Variants in UPF1 observed in about 807,000 individuals in gnomAD.
UPF1 encodes the protein regulator of nonsense transcripts 1.
In UPF1, 9 loss-of-function variants were observed where a neutral mutation model predicts 129.2. The observed-to-expected ratio is 0.07, with a 90% CI of 0.04 to 0.12. The LOEUF is 0.12. Ranked by LOEUF, UPF1 falls within the 10% of genes least tolerant of loss-of-function variation. The pLI is 1.00. For synonymous variants in UPF1, 649 were observed against 644.9 expected, an observed-to-expected ratio of 1.01 and a Z score of -0.10; for missense variants, 788 against 1,525.3, an observed-to-expected ratio of 0.52 and a Z score of 8.05.
chr19:18,839,153 G>A (rs868017073), intron 1 of UPF1, among the ~76,000 whole-genome samples: 21 of 152,176 alleles, frequency 1.4e-4, no homozygotes, highest in African/African-American at 4.3e-4. Context: ...GTGCAGTGGC[G>A]CGATCTTGGC....
At chr19:18,856,122 C>T (rs1252701962) in intron 12 of UPF1, 33 bp downstream of exon 12, 3 of 1,608,216 alleles carry the variant, frequency 1.9e-6, no homozygotes, top group Non-Finnish European at 2.6e-6. Context: ...CCAGTTGGTC[C>T]CTGAGCTTCT....
intron 15 of UPF1, chr19:18,859,367 A>G (rs1173106470): frequency 1.3e-5 from 2 of 152,156 alleles, no homozygotes; most frequent in African/African-American, 2.4e-5. Context: ...GTCTGGCTCA[A>G]TGAGTGGTTA....
intron 15 of UPF1, among the ~76,000 whole-genome samples, chr19:18,859,087 C>T (rs1038080367): frequency 1.3e-5 from 2 of 152,180 alleles, no homozygotes; most frequent in Admixed American, 6.5e-5. Context: ...CTATTGACAT[C>T]GCAGGGACAC....
At chr19:18,866,207 A>G in intron 23 of UPF1, 41 bp downstream of exon 23, 3 of 1,523,256 alleles carry the variant, frequency 2.0e-6, no homozygotes, top group Non-Finnish European at 2.6e-6. Flanking sequence ...CCCCAGCCTC[A>G]AGGAGAAGGA....
Position 18,865,906 on chromosome 19 carries a change from C to T in UPF1, c.3237+128C>T. 1 of 1,573,120 alleles carries T rather than the reference C, an allele frequency of 6.4e-7. No homozygotes were observed. Among genetic ancestry groups the T allele is most frequent in the Non-Finnish European group, 8.6e-7 (1 of 1,158,726 alleles). On this transcript the variant is annotated intron_variant, in intron 22 of 23. Transcript: ENST00000262803. This position sits in a 1 kb window ranked among gnomAD's most constrained non-coding sequence, Gnocchi z 6.1. ...ACTGTCTGAATTACCTGTCCCTGGG[C>T]TGGGGTCATCAGAGTGGGTCTCCTG... is the stretch of plus-strand genomic sequence containing the variant.
intron 1 of UPF1, among the ~76,000 whole-genome samples, chr19:18,838,001 T>C (rs747019020): frequency 6.6e-6 from 1 of 152,250 alleles, no homozygotes; most frequent in Non-Finnish European, 1.5e-5. Context: ...GGCTCACTTT[T>C]CCTTTTGAAG....
chr19:18,846,201 G>A, intron 2 of UPF1, 82 bp downstream of exon 2: 1 of 1,575,560 alleles, frequency 6.3e-7, no homozygotes, highest in South Asian at 1.2e-5. Flanking sequence ...CACCTCCCAG[G>A]TACAGGGTGG....
In UPF1 at chr19:18,832,398, CGGCGCG is replaced by C. The variant is rs1053857818; in HGVS notation, c.201_206del (p.Gly68_Ala69del). On this transcript the variant is annotated inframe_deletion, in exon 1 of 24. Coordinates refer to ENST00000262803, the MANE Select transcript of UPF1 (RefSeq NM_002911.4). The surrounding 1 kb of genome is among the most constrained non-coding windows in gnomAD (Gnocchi z 5.6). ...GCGGTGGCGGCGCGGGAGGCCCGGG[CGGCGCG>C]GGCGCGGGCGCTGCGGCGGGACAGC... is the stretch of plus-strand genomic sequence containing the variant. The C allele has an allele frequency of 9.7e-6, 10 of 1,028,834 alleles. No individual in the cohort carries two copies. Among genetic ancestry groups the C allele is most frequent in the East Asian group, 8.3e-5 (1 of 12,054 alleles). 63.7% of individuals were successfully genotyped at this position (1,028,834 alleles called of 1,614,324 possible).
chr19:18,846,981 C>T (rs540923884), intron 2 of UPF1, among the ~76,000 whole-genome samples: 34 of 152,314 alleles, frequency 2.2e-4, no homozygotes, highest in South Asian at 6.2e-4. Flanking sequence ...GCGACAGTCA[C>T]GGCAGGTTTG....
Position 18,853,106 on chromosome 19 carries a change from T to C in UPF1, c.1057+35T>C. On this transcript the variant is annotated intron_variant, in intron 7 of 23. Transcript: ENST00000262803. This position sits in a 1 kb window ranked among gnomAD's most constrained non-coding sequence, Gnocchi z 4.4. ...ATTTAGTCATAATTTGGTTAAGAGG[T>C]GATTTTAAGTTTTAAAATATTTGTG... The C allele has an allele frequency of 6.2e-7, 1 of 1,611,896 alleles. No individual in the cohort carries two copies. Among genetic ancestry groups the C allele is most frequent in the Non-Finnish European group, 8.5e-7 (1 of 1,178,506 alleles).
chr19:18,847,644 GA>G (rs2055614955), intron 2 of UPF1, 99 bp from the exon 3 acceptor site: 2 of 1,124,068 alleles, frequency 1.8e-6, no homozygotes, highest in Non-Finnish European at 2.7e-6. Flanking sequence ...GTTTAATGAA[GA>G]ACTTAAAAAT....
At chr19:18,839,123 G>A (rs1041829113) in intron 1 of UPF1, among the ~76,000 whole-genome samples, 1 of 152,162 alleles carries the variant, frequency 6.6e-6, no homozygotes, top group Middle Eastern at 3.4e-3. Flanking sequence ...ACGGAGTCTC[G>A]CACTGTCGCC....
intron 3 of UPF1, among the ~76,000 whole-genome samples, chr19:18,848,736 T>C (rs561523523): frequency 6.6e-6 from 1 of 152,168 alleles, no homozygotes; most frequent in East Asian, 1.9e-4. Flanking sequence ...TATGGTGTTA[T>C]GAGCAAGGCC....
intron 8 of UPF1, 107 bp from the exon 9 acceptor site, chr19:18,854,494 T>C (rs1356238732): frequency 2.3e-6 from 2 of 852,848 alleles, no homozygotes; most frequent in Non-Finnish European, 3.7e-6. Flanking sequence ...CAGCGGTGTC[T>C]TAAGTAACTA....
At chr19:18,866,202 G>C in intron 23 of UPF1, 36 bp downstream of exon 23, 1 of 1,529,730 alleles carries the variant, frequency 6.5e-7, no homozygotes. Flanking sequence ...CCCCACCCCA[G>C]CCTCAAGGAG....
rs779638998 is a variant in UPF1, at chr19:18,856,314, C to T, written c.1824+14C>T. 3.8e-6 allele frequency: 6 copies of T among 1,584,002 alleles called. No individual in the cohort carries two copies. The highest frequency in any genetic ancestry group is 5.2e-6 in the Non-Finnish European group (6 of 1,156,896). ...GAGCTGCTGATGGTGAGTGCCCCTC[C>T]TGCCTGCAAAAGGGCCTGTGGGCTG... is the stretch of plus-strand genomic sequence containing the variant. On this transcript the variant is annotated intron_variant, in intron 13 of 23. Coordinates refer to ENST00000262803, the MANE Select transcript of UPF1 (RefSeq NM_002911.4).
intron 2 of UPF1, among the ~76,000 whole-genome samples, chr19:18,847,416 G>C (rs895360133): frequency 2.6e-5 from 4 of 152,216 alleles, no homozygotes; most frequent in Admixed American, 6.5e-5. Context: ...ATGACCACTG[G>C]GTCTGAGGCT....
In UPF1 at chr19:18,856,272, A is replaced by G; in HGVS notation, c.1796A>G (p.Lys599Arg). ...SADEKRYRAL[K>R]RTAERELLMN... ...GACGAGAAGCGGTACCGGGCCTTGAAGCGCACCGCAGAGAGAGAGCTGCTG... is the reference window on the plus strand; with the variant it reads ...GACGAGAAGCGGTACCGGGCCTTGAGGCGCACCGCAGAGAGAGAGCTGCTG... The change falls in exon 13 of 24, where the codon AAG becomes AGG. Residue 599 changes from lysine to arginine, a missense_variant. Around this residue, in one of 6 missense-constraint regions of UPF1, gnomAD observed 91 missense variants for 157.2 expected, o/e 0.58. Transcript: ENST00000262803. 1 of 1,601,604 alleles carries G rather than the reference A, an allele frequency of 6.2e-7. No individual in the cohort carries two copies. The highest frequency in any genetic ancestry group is 1.1e-5 in the South Asian group (1 of 90,772).
Position 18,849,902 on chromosome 19 carries a change from T to C in UPF1, c.462-173T>C, listed in dbSNP as rs751775286. 567 of 713,702 alleles carry C rather than the reference T, an allele frequency of 7.9e-4. 1 individual carries two copies. The highest frequency in any genetic ancestry group is 9.3e-4 in the Non-Finnish European group (406 of 437,064). 44.2% of individuals were successfully genotyped at this position (713,702 alleles called of 1,614,324 possible). Reference sequence around the variant, plus strand: ...AGTTGGGATTGATTTTTGTGCTCAGTGGGGAGCTAGTTTGGGGGAGGGCTG... The same window carrying C: ...AGTTGGGATTGATTTTTGTGCTCAGCGGGGAGCTAGTTTGGGGGAGGGCTG... On this transcript the variant is annotated intron_variant, in intron 3 of 23. Transcript: ENST00000262803.
Sources: gnomAD v4.1 joint callset for allele counts (sites outside exome capture counted in the v4.1 genomes callset) on GRCh38, gnomAD v4.1.1 for gene constraint, gnomAD v4.1.1 regional missense constraint, Gnocchi (gnomAD v3.1) non-coding constraint, MANE v1.5 for transcripts, NCBI Gene and HGNC (gene_info 2026-07-23, HGNC 2026-07-21) for gene names.